Variants in XXYLT1 observed in about 807,000 individuals in gnomAD.
The protein encoded by XXYLT1 is UDP-xylose:alpha-xyloside alpha-1,3-xylosyltransferase.
XXYLT1 carries 20 observed loss-of-function variants against 28.9 expected under a neutral mutation model. The observed-to-expected ratio is 0.69, with a 90% confidence interval of 0.49 to 1.00. The LOEUF (loss-of-function observed/expected upper bound fraction) is 1.00. Ranked by LOEUF, XXYLT1 falls within the 50% of genes least tolerant of loss-of-function variation. XXYLT1 has a pLI of 0.00. For synonymous variants in XXYLT1, 257 were observed against 253.8 expected (o/e 1.01, Z -0.12); for missense variants, 542 against 560.1 (o/e 0.97, Z 0.33).
intron 3 of XXYLT1, among the ~76,000 whole-genome samples, chr3:195,101,626 C>T (rs1716777713): frequency 3.3e-5 from 5 of 151,850 alleles, no homozygotes; most frequent in Admixed American, 2.6e-4. Flanking sequence ...TAACATCTGG[C>T]CCCTTTTAAA....
intron 1 of XXYLT1, among the ~76,000 whole-genome samples, chr3:195,267,678 T>C (rs1393629520): frequency 1.3e-5 from 2 of 152,194 alleles, no homozygotes; most frequent in East Asian, 1.9e-4. Context: ...CCAACGATTA[T>C]ATAAATACAA....
intron 3 of XXYLT1, among the ~76,000 whole-genome samples, chr3:195,071,551 G>A (rs1257848744): frequency 6.6e-6 from 1 of 152,184 alleles, no homozygotes; most frequent in Non-Finnish European, 1.5e-5. Context: ...GCCACTGCTT[G>A]TGTTCTGCTG....
At chr3:195,164,065 G>T (rs534593077) in intron 2 of XXYLT1, among the ~76,000 whole-genome samples, 1 of 152,240 alleles carries the variant, frequency 6.6e-6, no homozygotes, top group Non-Finnish European at 1.5e-5. Context: ...TGGGCAAAAG[G>T]TTACCCCCAA....
rs1001388148 is a variant in XXYLT1 at position 195,143,363 on chromosome 3, C to T, written c.785+13086G>A. On this transcript the variant is annotated intron_variant, in intron 3 of 3. Coordinates refer to ENST00000310380, the MANE Select transcript of XXYLT1 (RefSeq NM_152531.5). ...GGCCATTCTTGGGCTCAGTCTGGTGCACAGATGTGGTTTTTTGGCCAGCAG... is the reference window on the plus strand; with the variant it reads ...GGCCATTCTTGGGCTCAGTCTGGTGTACAGATGTGGTTTTTTGGCCAGCAG... Among the ~76,000 whole-genome samples the T allele has an allele frequency of 2.0e-5, 3 of 152,164 alleles. No homozygotes were observed. The East Asian group carries it at 5.8e-4, about 29-fold the overall frequency.
intron 1 of XXYLT1, among the ~76,000 whole-genome samples, chr3:195,244,644 C>G (rs944230143): frequency 2.0e-5 from 3 of 150,038 alleles, no homozygotes; most frequent in Non-Finnish European, 4.4e-5. Flanking sequence ...CGCCTGTAAT[C>G]CCAGCTACTC....
chr3:195,230,048 C>T (rs1462148131), intron 1 of XXYLT1, among the ~76,000 whole-genome samples: 2 of 152,098 alleles, frequency 1.3e-5, no homozygotes, highest in Non-Finnish European at 2.9e-5. Flanking sequence ...GCATTTGTTA[C>T]TGCCTGTCTT....
chr3:195,167,546 A>T (rs1721190467), intron 2 of XXYLT1, among the ~76,000 whole-genome samples: 1 of 152,162 alleles, frequency 6.6e-6, no homozygotes, highest in African/African-American at 2.4e-5. Context: ...AGCCAAGATC[A>T]CACCACTGCA....
chr3:195,110,396 T>TGCG (rs1717547694), intron 3 of XXYLT1, among the ~76,000 whole-genome samples: 1 of 112,176 alleles, frequency 8.9e-6, no homozygotes, highest in Non-Finnish European at 1.9e-5. Context: ...GTGTGGTGTG[T>TGCG]TATGTGTGTA....
At chr3:195,184,498 C>T (rs1722090031) in intron 2 of XXYLT1, 3 of 539,660 alleles carry the variant, frequency 5.6e-6, no homozygotes, top group Non-Finnish European at 7.1e-6. Flanking sequence ...TCCCAACTCA[C>T]CTTGTTGGCT....
chr3:195,134,869 G>A (rs1042540229), intron 3 of XXYLT1, among the ~76,000 whole-genome samples: 1 of 98,156 alleles, frequency 1.0e-5, no homozygotes, highest in Non-Finnish European at 2.1e-5. Context: ...GTGTGTGTGT[G>A]CGTGTGCGCG....
At chr3:195,264,233 G>A (rs553140029) in intron 1 of XXYLT1, among the ~76,000 whole-genome samples, 5 of 152,348 alleles carry the variant, frequency 3.3e-5, no homozygotes, top group Non-Finnish European at 7.4e-5. Context: ...TGGGGTTCCC[G>A]TAAACCTCAA....
intron 3 of XXYLT1, among the ~76,000 whole-genome samples, chr3:195,146,165 A>G (rs1012514602): frequency 6.6e-6 from 1 of 152,244 alleles, no homozygotes; most frequent in Admixed American, 6.5e-5. Flanking sequence ...CCATGGAGCC[A>G]TATAGAAATT....
chr3:195,237,376 A>G (rs1168607481), intron 1 of XXYLT1, among the ~76,000 whole-genome samples: 4 of 151,490 alleles, frequency 2.6e-5, no homozygotes, highest in African/African-American at 9.7e-5. Flanking sequence ...CAACTGCTGC[A>G]CTCTCCTTTC....
chr3:195,259,111 C>A (rs556191377), intron 1 of XXYLT1, among the ~76,000 whole-genome samples: 253 of 152,374 alleles, frequency 1.7e-3, no homozygotes, highest in African/African-American at 5.8e-3. Context: ...CCCGGCAGCA[C>A]AGCTGTGCTA....
chr3:195,143,406 C>T (rs562570976), intron 3 of XXYLT1, among the ~76,000 whole-genome samples: 2 of 152,048 alleles, frequency 1.3e-5, no homozygotes, highest in Non-Finnish European at 1.5e-5. Context: ...GCTTAATTGT[C>T]GATATTTTGA....
At chr3:195,252,719 C>CAGAGAGAGAGAGAGAG (rs1484813323) in intron 1 of XXYLT1, among the ~76,000 whole-genome samples, 8 of 138,390 alleles carry the variant, frequency 5.8e-5, no homozygotes, top group African/African-American at 1.9e-4. Context: ...CACACACACA[C>CAGAGAGAGAGAGAGAG]ACACACACAG....
intron 3 of XXYLT1, among the ~76,000 whole-genome samples, chr3:195,154,599 C>A (rs1720460966): frequency 6.6e-6 from 1 of 152,210 alleles, no homozygotes; most frequent in East Asian, 1.9e-4. Context: ...CACTGCGCTC[C>A]CTCCCAAGGG....
chr3:195,078,427 C>T lies in XXYLT1; in HGVS notation c.786-8316G>A, dbSNP rs930909676. On this transcript the variant is annotated intron_variant, in intron 3 of 3. Transcript: ENST00000310380. The surrounding 1 kb of genome is among the most constrained non-coding windows in gnomAD (Gnocchi z 5.0). ...GCTCCTGCAGAGCCACTGAGCTACA[C>T]GGGCCTTCCAGCTAGTTCTGCAGGC... is the stretch of plus-strand genomic sequence containing the variant. Among the ~76,000 whole-genome samples the T allele has an allele frequency of 1.3e-5, 2 of 152,104 alleles. No homozygotes were observed. The highest frequency in any genetic ancestry group is 1.9e-4 in the East Asian group (1 of 5,168).
At chr3:195,194,221 AC>A (rs1722535172) in intron 2 of XXYLT1, among the ~76,000 whole-genome samples, 1 of 151,076 alleles carries the variant, frequency 6.6e-6, no homozygotes, top group Non-Finnish European at 1.5e-5. Context: ...GAAGACGAAC[AC>A]CCCAATTAAT....
Sources: allele counts gnomAD v4.1 joint callset (sites outside exome capture counted in the v4.1 genomes callset), GRCh38; gene constraint gnomAD v4.1.1; non-coding constraint Gnocchi (gnomAD v3.1); transcripts MANE v1.5; gene names NCBI Gene and HGNC (gene_info 2026-07-23, HGNC 2026-07-21).